Variants in CRACDL observed in about 807,000 individuals in gnomAD.
CRACDL encodes CRACD like.
Under a neutral mutation model 70.6 loss-of-function variants are expected in CRACDL, and 26 were observed. That is an observed-to-expected ratio of 0.37 (90% CI 0.27 to 0.51). CRACDL has a LOEUF of 0.51. Among genes scored for constraint, CRACDL ranks in the 20% least tolerant of loss-of-function variants. CRACDL has a pLI of 0.94. For missense variants in CRACDL, 1,283 were observed against 1,376.9 expected (o/e 0.93, Z 1.08); for synonymous variants, 618 against 615.2 (o/e 1.00, Z -0.07).
intron 1 of CRACDL, among the ~76,000 whole-genome samples, chr2:98,878,394 G>A (rs1448186165): frequency 6.6e-6 from 1 of 152,138 alleles, no homozygotes; most frequent in Non-Finnish European, 1.5e-5. Context: ...TGCCTACAGT[G>A]TTCAGTATAG....
At chr2:98,818,752 G>A (rs937474626) in intron 7 of CRACDL, among the ~76,000 whole-genome samples, 1 of 152,242 alleles carries the variant, frequency 6.6e-6, no homozygotes, top group African/African-American at 2.4e-5. Flanking sequence ...TAGGGAAAGT[G>A]TGGGGGCAGC....
rs749125973 is a variant in CRACDL, at chr2:98,794,650, T to G, written c.2771A>C (p.Glu924Ala). The G allele has an allele frequency of 6.2e-6, 10 of 1,613,516 alleles. No homozygotes were observed. The highest frequency in any genetic ancestry group is 5.0e-5 in the Admixed American group (3 of 59,984). The change falls in exon 10 of 10, where the codon GAG (glutamate) becomes GCG (alanine). Residue 924 changes from glutamate (E) to alanine (A), a missense_variant. Coordinates refer to ENST00000397899, the MANE Select transcript of CRACDL (RefSeq NM_207362.3). ...QNLAQSAVMM[E>A]KELHQLKRAS... ...TCTCTTCAGCTGATGCAGTTCCTTC[T>G]CCATCATCACTGCAGACTGAGCTGC...
intron 1 of CRACDL, among the ~76,000 whole-genome samples, chr2:98,925,147 C>T (rs934981282): frequency 3.9e-5 from 6 of 152,148 alleles, no homozygotes; most frequent in Admixed American, 1.3e-4. Flanking sequence ...AAGGAAGGGG[C>T]TCTTGGCTGG....
At chr2:98,922,450 A>G (rs1372777646) in intron 1 of CRACDL, among the ~76,000 whole-genome samples, 10 of 152,052 alleles carry the variant, frequency 6.6e-5, no homozygotes, top group South Asian at 6.2e-4. Flanking sequence ...AAAAAAAAAA[A>G]AAAAAGAAAA....
intron 1 of CRACDL, among the ~76,000 whole-genome samples, chr2:98,850,273 C>A (rs1379907259): frequency 6.6e-6 from 1 of 152,226 alleles, no homozygotes. Flanking sequence ...TGTCCGGAGT[C>A]CGCAGGCTGC....
At chr2:98,795,077 A>ATATATATATATATATATATATATAT in intron 9 of CRACDL, among the ~76,000 whole-genome samples, 1 of 58,504 alleles carries the variant, frequency 1.7e-5, no homozygotes, top group African/African-American at 6.6e-5. Context: ...ATATATATAT[A>ATATATATATATATATATATATATAT]TTTTTTTTTT....
chr2:98,880,528 GC>G (rs1288402572), intron 1 of CRACDL, among the ~76,000 whole-genome samples: 1 of 152,166 alleles, frequency 6.6e-6, no homozygotes, highest in Non-Finnish European at 1.5e-5. Flanking sequence ...GGGCAGGTGG[GC>G]CCCCCCTTCT....
intron 1 of CRACDL, among the ~76,000 whole-genome samples, chr2:98,871,958 G>A (rs1353027236): frequency 2.0e-5 from 3 of 152,154 alleles, no homozygotes; most frequent in African/African-American, 7.2e-5. Context: ...AGAAAATGTG[G>A]TGCATGTACA....
chr2:98,876,061 AG>A (rs2104606601), intron 1 of CRACDL, among the ~76,000 whole-genome samples: 1 of 152,340 alleles, frequency 6.6e-6, no homozygotes, highest in African/African-American at 2.4e-5. Context: ...TGAGAGCAAA[AG>A]CCAGTGTGCT....
At chr2:98,927,440 G>C (rs1434202185) in intron 1 of CRACDL, among the ~76,000 whole-genome samples, 1 of 151,710 alleles carries the variant, frequency 6.6e-6, no homozygotes. Flanking sequence ...AGTGAATTCT[G>C]AGTAACACAG....
intron 1 of CRACDL, among the ~76,000 whole-genome samples, chr2:98,927,885 A>G (rs750811905): frequency 6.6e-5 from 10 of 152,138 alleles, no homozygotes; most frequent in Non-Finnish European, 1.3e-4. Flanking sequence ...ATTCATTTTG[A>G]AAAGGTAGCT....
intron 7 of CRACDL, among the ~76,000 whole-genome samples, chr2:98,802,502 A>ATGAACCCTTTCAAAAATCCTCAATGT (rs373265214): frequency 4.9e-3 from 746 of 152,360 alleles, no homozygotes; most frequent in African/African-American, 0.016. Flanking sequence ...AAGATCTAAA[A>ATGAACCCTTTCAAAAATCCTCAATGT]TGAACCCTTT....
chr2:98,891,904 T>C (rs188393545), intron 1 of CRACDL, among the ~76,000 whole-genome samples: 1 of 152,098 alleles, frequency 6.6e-6, no homozygotes, highest in East Asian at 1.9e-4. Context: ...GTATGAAAAA[T>C]GGTAAAAATT....
At chr2:98,831,697 C>T (rs570908946) in intron 5 of CRACDL, among the ~76,000 whole-genome samples, 20 of 152,196 alleles carry the variant, frequency 1.3e-4, no homozygotes, top group Admixed American at 2.6e-4. Flanking sequence ...GTGGCAGCAT[C>T]GCGAGCTATG....
intron 2 of CRACDL, among the ~76,000 whole-genome samples, chr2:98,843,170 T>G (rs1303351333): frequency 1.3e-5 from 2 of 152,230 alleles, no homozygotes; most frequent in African/African-American, 2.4e-5. Flanking sequence ...TTTCTTCATA[T>G]GCTTCTTTGC....
At chr2:98,835,464 G>A (rs1705732426) in intron 3 of CRACDL, among the ~76,000 whole-genome samples, 1 of 152,218 alleles carries the variant, frequency 6.6e-6, no homozygotes, top group Non-Finnish European at 1.5e-5. Context: ...AAAGATGAAT[G>A]GGGTCATGTC....
At chr2:98,920,231 T>C (rs950344205) in intron 1 of CRACDL, among the ~76,000 whole-genome samples, 3 of 152,204 alleles carry the variant, frequency 2.0e-5, no homozygotes, top group Non-Finnish European at 4.4e-5. Context: ...TTTGTGTCCC[T>C]GGTACAATTT....
intron 1 of CRACDL, among the ~76,000 whole-genome samples, chr2:98,928,418 G>A (rs966984889): frequency 7.2e-5 from 11 of 152,184 alleles, no homozygotes; most frequent in South Asian, 2.1e-4. Context: ...CTCAAGCCAC[G>A]TAACACTGTG....
chr2:98,799,849 G>A (rs759739813), intron 7 of CRACDL, among the ~76,000 whole-genome samples: 1 of 152,040 alleles, frequency 6.6e-6, no homozygotes, highest in Admixed American at 6.6e-5. Flanking sequence ...CTCTCTGGGG[G>A]AGCCTGTCCT....
Sources: gnomAD v4.1 joint callset for allele counts (sites outside exome capture counted in the v4.1 genomes callset) on GRCh38, gnomAD v4.1.1 for gene constraint, MANE v1.5 for transcripts, NCBI Gene and HGNC (gene_info 2026-07-23, HGNC 2026-07-21) for gene names.